The following LRP1B variants were observed in gnomAD, a reference collection of about 807,000 sequenced individuals.
LRP1B encodes low-density lipoprotein receptor-related protein 1B.
A neutral mutation model predicts 556.6 loss-of-function variants in LRP1B; 217 were observed. The ratio of observed to expected loss-of-function variants is 0.39; its 90% CI spans 0.35 to 0.44. The LOEUF (loss-of-function observed/expected upper bound fraction) is 0.44. Ranked by LOEUF, LRP1B falls within the 20% of genes least tolerant of loss-of-function variation. The pLI, the probability that LRP1B is intolerant of heterozygous loss-of-function variation, is 1.00. For synonymous variants in LRP1B, 2,047 were observed against 1,865.8 expected (o/e 1.10, Z -2.50); for missense variants, 5,053 against 5,620.8 (o/e 0.90, Z 3.23).
intron 51 of LRP1B, among the ~76,000 whole-genome samples, chr2:140,513,783 A>G (rs1456397505): frequency 2.0e-5 from 3 of 152,070 alleles, no homozygotes; most frequent in South Asian, 4.1e-4. Flanking sequence ...ATCTATACAT[A>G]CACCTTATTC....
intron 78 of LRP1B, 23 bp downstream of exon 78, chr2:140,335,592 G>T (rs2105085871): frequency 1.5e-6 from 2 of 1,347,096 alleles, no homozygotes; most frequent in Non-Finnish European, 2.1e-6. Context: ...TCAAGAAATA[G>T]AAATACTAAG....
intron 2 of LRP1B, among the ~76,000 whole-genome samples, chr2:141,549,105 T>C (rs145147964): frequency 0.011 from 1,655 of 152,246 alleles, 15 homozygotes; most frequent in Middle Eastern, 0.017. Flanking sequence ...GCTGTTTCAT[T>C]GAGAAGACAT....
intron 7 of LRP1B, among the ~76,000 whole-genome samples, chr2:141,100,296 G>T (rs185906162): frequency 2.6e-5 from 4 of 152,298 alleles, no homozygotes; most frequent in Non-Finnish European, 4.4e-5. Flanking sequence ...ACAGAATGTT[G>T]AATGGAGCTT....
At chr2:141,565,685 A>T (rs1686306246) in intron 2 of LRP1B, among the ~76,000 whole-genome samples, 1 of 152,258 alleles carries the variant, frequency 6.6e-6, no homozygotes, top group African/African-American at 2.4e-5. Flanking sequence ...GCATACGCGT[A>T]TATGAAATGG....
chr2:141,583,906 A>ATTTTTTTTTTTTTTTTT (rs113916906), intron 2 of LRP1B, among the ~76,000 whole-genome samples: 8 of 145,524 alleles, frequency 5.5e-5, no homozygotes, highest in African/African-American at 1.8e-4. Context: ...TGCCCGGCTA[A>ATTTTTTTTTTTTTTTTT]TTTTTTTTTT....
intron 66 of LRP1B, among the ~76,000 whole-genome samples, chr2:140,429,337 T>C (rs1240947535): frequency 1.3e-5 from 2 of 152,088 alleles, no homozygotes; most frequent in Non-Finnish European, 2.9e-5. Context: ...CCATATACTC[T>C]CCTATCCTCA....
chr2:141,474,082 C>G (rs60389876), intron 3 of LRP1B, among the ~76,000 whole-genome samples: 102 of 143,710 alleles, frequency 7.1e-4, no homozygotes, highest in African/African-American at 2.6e-3. Context: ...CCTTTCCTCC[C>G]TCCCTTCCTT....
At position 140,475,336 on chromosome 2, in the gene LRP1B, A is replaced by G; in HGVS notation, c.9427T>C (p.Tyr3143His). The change falls in exon 60 of 91, where the codon TAT becomes CAT. Residue 3143 changes from tyrosine to histidine, a missense_variant and splice_region_variant. Physicochemically the swap from Tyr to His is moderately conservative, Grantham distance 83. This residue lies in a region of LRP1B where 3,619 missense variants were observed against 3,931.9 expected (regional missense o/e 0.92). Transcript: ENST00000389484. Reference sequence around the variant, plus strand: ...TCGCAGCAGTCAATCCAATACAAATATCTAGGAAAGAAAATCAATACTGAT... The same window carrying G: ...TCGCAGCAGTCAATCCAATACAAATGTCTAGGAAAGAAAATCAATACTGAT... ...RDLSLDPQAG[Y>H]LYWIDCCEYP... 1 of 1,580,862 alleles carries G rather than the reference A, an allele frequency of 6.3e-7. No individual in the cohort carries two copies. The highest frequency in any genetic ancestry group is 1.7e-4 in the Middle Eastern group (1 of 5,942).
intron 7 of LRP1B, among the ~76,000 whole-genome samples, chr2:141,109,195 G>T (rs562834637): frequency 6.6e-5 from 10 of 152,082 alleles, no homozygotes; most frequent in African/African-American, 2.4e-4. Context: ...CAAATCAGCA[G>T]CACCTATACC....
At chr2:141,112,309 G>A (rs996729725) in intron 7 of LRP1B, among the ~76,000 whole-genome samples, 30 of 152,224 alleles carry the variant, frequency 2.0e-4, no homozygotes, top group African/African-American at 6.5e-4. Flanking sequence ...ACAATGTTCT[G>A]CCTTCTTTGC....
intron 2 of LRP1B, among the ~76,000 whole-genome samples, chr2:141,637,059 A>G (rs1689130214): frequency 6.6e-6 from 1 of 152,168 alleles, no homozygotes; most frequent in African/African-American, 2.4e-5. Context: ...TCTCGAGAAT[A>G]TATTCATGTA....
intron 2 of LRP1B, among the ~76,000 whole-genome samples, chr2:141,660,109 T>G (rs1290631249): frequency 6.6e-6 from 1 of 151,754 alleles, no homozygotes; most frequent in Non-Finnish European, 1.5e-5. Flanking sequence ...GAGTGAATCC[T>G]ACACCAGCAA....
intron 35 of LRP1B, among the ~76,000 whole-genome samples, chr2:140,736,410 G>T (rs796925657): frequency 6.6e-6 from 1 of 151,984 alleles, no homozygotes; most frequent in South Asian, 2.1e-4. Flanking sequence ...AAAAGAGCCC[G>T]CATTGCCAAG....
intron 7 of LRP1B, among the ~76,000 whole-genome samples, chr2:141,066,882 G>A (rs2105475948): frequency 6.6e-6 from 1 of 151,994 alleles, no homozygotes; most frequent in Non-Finnish European, 1.5e-5. Context: ...TAAGACATAA[G>A]AGTAGGGAGC....
intron 2 of LRP1B, among the ~76,000 whole-genome samples, chr2:141,625,638 C>A (rs1348590913): frequency 6.6e-6 from 1 of 152,008 alleles, no homozygotes; most frequent in Admixed American, 6.6e-5. Context: ...ATATATGCTA[C>A]ATAAGTGAAT....
intron 35 of LRP1B, among the ~76,000 whole-genome samples, chr2:140,767,628 ATTAT>A (rs1689162641): frequency 6.6e-6 from 1 of 151,322 alleles, no homozygotes; most frequent in African/African-American, 2.4e-5. Flanking sequence ...AATTGCTTAT[ATTAT>A]TTTATTTTTT....
At position 140,484,349 on chromosome 2, in the gene LRP1B, A is replaced by G. The variant is rs1688376981; in HGVS notation, c.9425+994T>C. On this transcript the variant is annotated intron_variant, in intron 59 of 90. Transcript: ENST00000389484. ...ATAAACATGAGGGACCAAAAAAATT[A>G]ACAGAGATACATTAACGAGAAGCAA... is the stretch of plus-strand genomic sequence containing the variant. 2.0e-5 allele frequency among the ~76,000 whole-genome samples: 3 copies of G among 152,290 alleles called. No individual in the cohort carries two copies. The South Asian group carries it at 6.2e-4, about 32-fold the overall frequency.
chr2:140,792,086 A>T (rs1231674943), intron 32 of LRP1B, among the ~76,000 whole-genome samples: 1 of 152,102 alleles, frequency 6.6e-6, no homozygotes, highest in Non-Finnish European at 1.5e-5. Flanking sequence ...CTTATCTTCC[A>T]TTAATTCCCC....
intron 43 of LRP1B, among the ~76,000 whole-genome samples, chr2:140,544,367 A>G (rs10191143): frequency 0.49 from 74,119 of 151,184 alleles, 18,417 homozygotes; most frequent in South Asian, 0.59. Context: ...TTTGTTATAC[A>G]GGTAAATTTG....
Sources: allele counts gnomAD v4.1 joint callset (sites outside exome capture counted in the v4.1 genomes callset), GRCh38; gene constraint gnomAD v4.1.1; regional missense constraint gnomAD v4.1.1; transcripts MANE v1.5; gene names NCBI Gene and HGNC (gene_info 2026-07-23, HGNC 2026-07-21).